The following RPS6KC1 variants were observed in gnomAD, a reference collection of about 807,000 sequenced individuals.
RPS6KC1 encodes inactive ribosomal protein S6 kinase delta-1.
In RPS6KC1, 54 loss-of-function variants were observed where a neutral mutation model predicts 103.8. The observed-to-expected ratio is 0.52, with a 90% CI of 0.42 to 0.65. RPS6KC1 has a LOEUF of 0.65. Among genes scored for constraint, RPS6KC1 ranks in the 30% least tolerant of loss-of-function variants. The pLI, the probability that RPS6KC1 is intolerant of heterozygous loss-of-function variation, is 0.00. For missense variants in RPS6KC1, 1,151 were observed against 1,253.8 expected, an observed-to-expected ratio of 0.92 and a Z score of 1.24; for synonymous variants, 439 against 438.7, an observed-to-expected ratio of 1.00 and a Z score of -0.01.
At chr1:213,068,483 CA>C (rs71147057) in intron 1 of RPS6KC1, among the ~76,000 whole-genome samples, 332 of 36,334 alleles carry the variant, frequency 9.1e-3, no homozygotes, top group East Asian at 0.04. Context: ...GACTCTGTCT[CA>C]AAAAAAAAAA....
the RPS6KC1 span, among the ~76,000 whole-genome samples, chr1:213,306,815 C>A: frequency 9.2e-5 from 14 of 152,154 alleles, no homozygotes; most frequent in Non-Finnish European, 1.5e-4. Context: ...AGGCACTATA[C>A]CAAATGCTGA....
At chr1:213,111,046 G>A (rs1287137028) in intron 4 of RPS6KC1, among the ~76,000 whole-genome samples, 1 of 151,144 alleles carries the variant, frequency 6.6e-6, no homozygotes, top group Non-Finnish European at 1.5e-5. Flanking sequence ...TAATTACTGT[G>A]ACCACTCAGC....
intron 12 of RPS6KC1, among the ~76,000 whole-genome samples, chr1:213,257,105 C>T (rs926371418): frequency 3.9e-5 from 6 of 152,166 alleles, no homozygotes; most frequent in Non-Finnish European, 5.9e-5. Flanking sequence ...CTCTGAGGCT[C>T]AGGAATATGG....
At chr1:213,738,834 TAAAAAATAAATA>T in the RPS6KC1 span, among the ~76,000 whole-genome samples, 5 of 118,742 alleles carry the variant, frequency 4.2e-5, no homozygotes, top group Admixed American at 3.9e-4. Flanking sequence ...GCCTCTACTC[TAAAAAATAAATA>T]AATAAATAAA....
the RPS6KC1 span, among the ~76,000 whole-genome samples, chr1:213,744,066 G>A: frequency 9.9e-5 from 15 of 152,090 alleles, no homozygotes; most frequent in African/African-American, 3.4e-4. Flanking sequence ...CTTATAAGTG[G>A]GAGTTAAGCT....
At chr1:213,082,579 A>G (rs1485709841) in intron 3 of RPS6KC1, among the ~76,000 whole-genome samples, 3 of 152,244 alleles carry the variant, frequency 2.0e-5, no homozygotes, top group Admixed American at 6.5e-5. Flanking sequence ...AAAGTTTAGC[A>G]ACACTGTTGC....
At chr1:213,479,474 C>G in the RPS6KC1 span, among the ~76,000 whole-genome samples, 2 of 152,000 alleles carry the variant, frequency 1.3e-5, no homozygotes, top group East Asian at 3.8e-4. Flanking sequence ...AACTGCATCT[C>G]TCCGATTACT....
At chr1:213,427,927 T>G in the RPS6KC1 span, among the ~76,000 whole-genome samples, 2 of 152,208 alleles carry the variant, frequency 1.3e-5, no homozygotes, top group South Asian at 4.1e-4. Context: ...TCCAACAACA[T>G]CCAGGGACTG....
At chr1:213,677,331 A>T in the RPS6KC1 span, among the ~76,000 whole-genome samples, 2 of 152,132 alleles carry the variant, frequency 1.3e-5, no homozygotes, top group African/African-American at 4.8e-5. Flanking sequence ...TAGTATCATC[A>T]TTTTACAAGT....
At chr1:213,743,363 T>C in the RPS6KC1 span, among the ~76,000 whole-genome samples, 1 of 151,782 alleles carries the variant, frequency 6.6e-6, no homozygotes, top group Non-Finnish European at 1.5e-5. Context: ...ACATGAACAA[T>C]AGACACTGCA....
the RPS6KC1 span, among the ~76,000 whole-genome samples, chr1:213,543,132 G>A: frequency 4.5e-4 from 68 of 152,342 alleles, no homozygotes; most frequent in Non-Finnish European, 7.3e-4. Flanking sequence ...CACGGGAGCT[G>A]GAAAGTGGTT....
the RPS6KC1 span, among the ~76,000 whole-genome samples, chr1:213,435,011 C>A: frequency 6.6e-6 from 1 of 152,088 alleles, no homozygotes; most frequent in Non-Finnish European, 1.5e-5. Context: ...CCATTTACAG[C>A]ACTCCTATAA....
At chr1:213,265,042 A>C (rs1424964172) in intron 14 of RPS6KC1, among the ~76,000 whole-genome samples, 6 of 152,158 alleles carry the variant, frequency 3.9e-5, no homozygotes, top group African/African-American at 7.2e-5. Flanking sequence ...CAGTTTTAAG[A>C]AATTATGTGA....
intron 12 of RPS6KC1, among the ~76,000 whole-genome samples, chr1:213,245,146 A>C (rs1279148531): frequency 6.6e-6 from 1 of 152,162 alleles, no homozygotes; most frequent in African/African-American, 2.4e-5. Context: ...TTGGAGCAAA[A>C]ATTTGTGAAT....
the RPS6KC1 span, among the ~76,000 whole-genome samples, chr1:213,786,026 G>A: frequency 6.6e-6 from 1 of 152,112 alleles, no homozygotes; most frequent in African/African-American, 2.4e-5. Flanking sequence ...TTTGAGCCAG[G>A]AAAAATGTTT....
rs551778648 is a variant in RPS6KC1 at position 213,161,904 on chromosome 1, C to T, written c.836-5954C>T. 7.9e-5 allele frequency among the ~76,000 whole-genome samples: 12 copies of T among 152,224 alleles called. No homozygotes were observed. The South Asian group carries it at 1.0e-3, about 13-fold the overall frequency. On this transcript the variant is annotated intron_variant, in intron 6 of 14. Coordinates refer to ENST00000366960, the MANE Select transcript of RPS6KC1 (RefSeq NM_012424.6). The stretch of plus-strand genomic sequence containing the variant: ...ACAATTATTGGACTCTAGATTCTTC[C>T]GTAGATTTTCTACTTCTCTTAAGAT...
At chr1:213,813,159 G>A in the RPS6KC1 span, among the ~76,000 whole-genome samples, 2 of 152,140 alleles carry the variant, frequency 1.3e-5, no homozygotes, top group South Asian at 2.1e-4. Context: ...GCTGAGGCAG[G>A]AGAATCACTT....
chr1:213,650,306 G>A, the RPS6KC1 span, among the ~76,000 whole-genome samples: 2 of 152,178 alleles, frequency 1.3e-5, no homozygotes, highest in Non-Finnish European at 2.9e-5. Flanking sequence ...CCCTGAATTT[G>A]TGCAACAAAT....
At chr1:213,151,495 G>A (rs1393323714) in intron 6 of RPS6KC1, among the ~76,000 whole-genome samples, 18 of 74,934 alleles carry the variant, frequency 2.4e-4, no homozygotes, top group Middle Eastern at 8.9e-3. Context: ...CCTCCCTCCC[G>A]GACGGGGCGG....
Sources: gnomAD v4.1 joint callset for allele counts (sites outside exome capture counted in the v4.1 genomes callset) on GRCh38, gnomAD v4.1.1 for gene constraint, MANE v1.5 for transcripts, NCBI Gene and HGNC (gene_info 2026-07-23, HGNC 2026-07-21) for gene names.